UBA3: variants seen among roughly 807,000 people sequenced by gnomAD.
UBA3 encodes the protein NEDD8-activating enzyme E1 catalytic subunit.
Under a neutral mutation model 73.5 loss-of-function variants are expected in UBA3, and 26 were observed. The ratio of observed to expected loss-of-function variants is 0.35; its 90% CI spans 0.26 to 0.49. UBA3 has a LOEUF of 0.49. Ranked by LOEUF, UBA3 falls within the 20% of genes least tolerant of loss-of-function variation. The probability of loss-of-function intolerance (pLI) is 0.98; values close to 1 mark genes in which losing one functional copy is unlikely to be tolerated. For synonymous variants in UBA3, 217 were observed against 191.2 expected, an observed-to-expected ratio of 1.13 and a Z score of -1.11; for missense variants, 495 against 555.6, an observed-to-expected ratio of 0.89 and a Z score of 1.10.
intron 9 of UBA3, among the ~76,000 whole-genome samples, chr3:69,062,524 G>C (rs1329144981): frequency 6.6e-6 from 1 of 152,116 alleles, no homozygotes; most frequent in Non-Finnish European, 1.5e-5. Context: ...AGCAAGTTCA[G>C]AGTTAAGTGA....
chr3:69,080,291 A>G, intron 1 of UBA3, 43 bp downstream of exon 1: 2 of 1,601,754 alleles, frequency 1.2e-6, no homozygotes, highest in Non-Finnish European at 1.7e-6. Flanking sequence ...GCTCTCTCAC[A>G]ACCCAGCCCA....
At chr3:69,057,380 T>A in intron 11 of UBA3, 71 bp from the exon 12 acceptor site, 1 of 1,371,734 alleles carries the variant, frequency 7.3e-7, no homozygotes, top group Non-Finnish European at 1.0e-6. Context: ...TTAGAAGGCA[T>A]GATTATTAAA....
intron 15 of UBA3, 21 bp downstream of exon 15, chr3:69,056,162 A>T (rs748585210): frequency 4.9e-5 from 77 of 1,565,216 alleles, no homozygotes; most frequent in Non-Finnish European, 1.3e-5. Context: ...TTACAACATA[A>T]CAAAAATCTA....
chr3:69,066,663 C>T (rs1363314869), intron 6 of UBA3, among the ~76,000 whole-genome samples: 2 of 152,116 alleles, frequency 1.3e-5, no homozygotes, highest in African/African-American at 4.8e-5. Flanking sequence ...AACTCCTGAC[C>T]TCAAGTGATC....
In UBA3 at chr3:69,072,158, G is replaced by C. The variant is rs899484538; in HGVS notation, c.265-541C>G. Among the ~76,000 whole-genome samples, 164 of 152,022 alleles carry C rather than the reference G, an allele frequency of 1.1e-3. 1 individual carries two copies. Among genetic ancestry groups the C allele is most frequent in the Non-Finnish European group, 3.8e-4 (26 of 67,986 alleles). The stretch of plus-strand genomic sequence containing the variant: ...AAGAGCATGCAATTTAAAAAGCAGG[G>C]AAAGGCAAAAAACAAAAAACCTGTT... On this transcript the variant is annotated intron_variant, in intron 4 of 17. Transcript: ENST00000361055.
chr3:69,076,028 G>A (rs976443820), intron 3 of UBA3, among the ~76,000 whole-genome samples: 8 of 152,078 alleles, frequency 5.3e-5, no homozygotes, highest in East Asian at 3.9e-4. Flanking sequence ...TGCCGCGTCC[G>A]GCCATTAATG....
At chr3:69,064,632 C>T (rs970524640) in intron 6 of UBA3, among the ~76,000 whole-genome samples, 3 of 152,160 alleles carry the variant, frequency 2.0e-5, no homozygotes, top group South Asian at 2.1e-4. Context: ...AGAAAAAGTA[C>T]GAATTTTTTC....
chr3:69,069,380 T>G (rs2092103248), intron 5 of UBA3, among the ~76,000 whole-genome samples: 1 of 152,116 alleles, frequency 6.6e-6, no homozygotes. Context: ...CACGCTGGAG[T>G]GCAGTGGCAC....
At chr3:69,080,179 C>G in intron 1 of UBA3, 26 bp from the exon 2 acceptor site, 1 of 1,606,758 alleles carries the variant, frequency 6.2e-7, no homozygotes, top group Non-Finnish European at 8.5e-7. Flanking sequence ...AAAGAAGGGT[C>G]AGCATCGCGC....
chr3:69,056,037 G>A lies in UBA3; in HGVS notation c.1211C>T (p.Ala404Val). ...TGTTCTATTTTTTCCCTCTAGGGTG[G>A]CTGTGATGGCTGGAGATTTCATTTG... ...SLQMKSPAIT[A>V]TLEGKNRTLY... Residue 404 changes from alanine to valine, a missense_variant, in exon 16 of 18, where the codon GCC becomes GTC. Physicochemically the swap from Ala to Val is moderately conservative, Grantham distance 64. Transcript: ENST00000361055. 1 of 1,604,906 alleles carries A rather than the reference G, an allele frequency of 6.2e-7. No homozygotes were observed. Among genetic ancestry groups the A allele is most frequent in the South Asian group, 1.1e-5 (1 of 88,604 alleles).
intron 16 of UBA3, 34 bp from the exon 17 acceptor site, chr3:69,055,939 T>C (rs1394283052): frequency 3.8e-6 from 6 of 1,598,478 alleles, no homozygotes; most frequent in African/African-American, 1.4e-5. Context: ...GTAAGACACA[T>C]TAAAGTAAAA....
intron 8 of UBA3, 66 bp from the exon 9 acceptor site, chr3:69,063,203 T>C (rs533391706): frequency 6.3e-7 from 1 of 1,586,298 alleles, no homozygotes; most frequent in Non-Finnish European, 8.6e-7. Flanking sequence ...GAAGTATGCT[T>C]TCAAGTAATC....
At chr3:69,067,865 C>T in intron 6 of UBA3, 63 bp downstream of exon 6, 1 of 1,273,044 alleles carries the variant, frequency 7.9e-7, no homozygotes, top group Non-Finnish European at 1.1e-6. Flanking sequence ...TGTTAAATAT[C>T]TCTTATAATA....
In UBA3 at chr3:69,055,341, G is replaced by A. The variant is rs1006093111; in HGVS notation, c.*96C>T. 1.6e-5 allele frequency: 12 copies of A among 747,036 alleles called. No individual in the cohort carries two copies. Among genetic ancestry groups the A allele is most frequent in the Non-Finnish European group, 2.2e-5 (11 of 496,752 alleles). The allele number at this position is 747,036 out of a possible 1,614,324, so 46.3% of individuals were successfully genotyped here. A position where few individuals can be genotyped will look rare whatever the true frequency, so the allele number is the denominator to read the frequency against. On this transcript the variant is annotated 3_prime_UTR_variant, in exon 18 of 18. Coordinates refer to ENST00000361055, the MANE Select transcript of UBA3 (RefSeq NM_003968.4). Reference sequence around the variant, plus strand: ...TTCATTATATAAAAAAAGACAAATCGTGGCAACACTATTGCTAAAAATGAC... The same window carrying A: ...TTCATTATATAAAAAAAGACAAATCATGGCAACACTATTGCTAAAAATGAC...
intron 4 of UBA3, among the ~76,000 whole-genome samples, chr3:69,074,480 GT>G (rs2092147552): frequency 6.6e-6 from 1 of 152,152 alleles, no homozygotes; most frequent in African/African-American, 2.4e-5. Flanking sequence ...GTATATTTAA[GT>G]TTTTACAACT....
intron 7 of UBA3, 66 bp downstream of exon 7, chr3:69,064,002 T>G (rs13090606): frequency 7.3e-7 from 1 of 1,367,496 alleles, no homozygotes; most frequent in Non-Finnish European, 1.0e-6. Context: ...CTAGCAATAT[T>G]TGAATAGCTA....
At chr3:69,062,274 A>G in intron 9 of UBA3, 95 bp from the exon 10 acceptor site, 1 of 833,196 alleles carries the variant, frequency 1.2e-6, no homozygotes, top group Admixed American at 2.1e-5. Flanking sequence ...ATTTCATACA[A>G]TTTGTTTCAA....
chr3:69,060,578 C>T (rs1315897990), intron 11 of UBA3, among the ~76,000 whole-genome samples: 2 of 152,120 alleles, frequency 1.3e-5, no homozygotes, highest in Non-Finnish European at 2.9e-5. Context: ...TCCAGTTAAC[C>T]AATATGGATA....
chr3:69,057,247 C>T lies in UBA3; in HGVS notation c.964+9G>A. On this transcript the variant is annotated intron_variant, in intron 12 of 17. Transcript: ENST00000361055. ...AAAATAAACTAAGTGATGGCCTTTT[C>T]TTCCTCACCTGCAATGACTGCATTT... The T allele has an allele frequency of 6.2e-7, 1 of 1,607,228 alleles. No homozygotes were observed. Among genetic ancestry groups the T allele is most frequent in the Non-Finnish European group, 8.5e-7 (1 of 1,178,464 alleles).
Sources: allele counts gnomAD v4.1 joint callset (sites outside exome capture counted in the v4.1 genomes callset), GRCh38; gene constraint gnomAD v4.1.1; transcripts MANE v1.5; gene names NCBI Gene and HGNC (gene_info 2026-07-23, HGNC 2026-07-21).